PTPRT: variants seen among roughly 807,000 people sequenced by gnomAD.
The protein encoded by PTPRT is receptor-type tyrosine-protein phosphatase T.
PTPRT carries 56 observed loss-of-function variants against 176.8 expected under a neutral mutation model. The ratio of observed to expected loss-of-function variants is 0.32; its 90% CI spans 0.26 to 0.40. The LOEUF (loss-of-function observed/expected upper bound fraction) is 0.40, where lower values mean the gene tolerates loss of function less well. Ranked by LOEUF, PTPRT falls within the 10% of genes least tolerant of loss-of-function variation. The pLI is 1.00. For synonymous variants in PTPRT, 783 were observed against 739.0 expected (o/e 1.06, Z -0.96); for missense variants, 1,540 against 1,908.2 (o/e 0.81, Z 3.60).
At chr20:42,081,777 A>G in intron 30 of PTPRT, 105 bp downstream of exon 30, 1 of 1,421,134 alleles carries the variant, frequency 7.0e-7, no homozygotes, top group Non-Finnish European at 9.8e-7. Flanking sequence ...CAGGTATACA[A>G]TTAGCAGCCA....
chr20:43,007,613 C>T (rs1984917463), intron 1 of PTPRT, among the ~76,000 whole-genome samples: 1 of 152,212 alleles, frequency 6.6e-6, no homozygotes, highest in Non-Finnish European at 1.5e-5. Flanking sequence ...GCTCAGCAGA[C>T]TTTTGAGACC....
At chr20:42,258,481 C>T (rs1236297890) in intron 13 of PTPRT, among the ~76,000 whole-genome samples, 5 of 152,114 alleles carry the variant, frequency 3.3e-5, no homozygotes, top group African/African-American at 9.7e-5. Context: ...TATATAATAC[C>T]TTTATTGATA....
At chr20:42,594,788 G>C (rs2073641669) in intron 7 of PTPRT, among the ~76,000 whole-genome samples, 1 of 152,132 alleles carries the variant, frequency 6.6e-6, no homozygotes, top group Non-Finnish European at 1.5e-5. Context: ...CCAGCTTTCT[G>C]TCTCCTCCTG....
chr20:43,072,041 G>C (rs2011188087), intron 1 of PTPRT, among the ~76,000 whole-genome samples: 1 of 152,162 alleles, frequency 6.6e-6, no homozygotes, highest in African/African-American at 2.4e-5. Flanking sequence ...CTTGAAATCA[G>C]CACTTGCCTT....
At position 43,038,056 on chromosome 20, in the gene PTPRT, T is replaced by G. The variant is rs1345200506; in HGVS notation, c.88+151590A>C. ...GTGGCTACACCTGACCTGAGCCTAT[T>G]TATAGCATTATTTATCTGACTTAGC... is the stretch of plus-strand genomic sequence containing the variant. On this transcript the variant is annotated intron_variant, in intron 1 of 30. Coordinates refer to ENST00000373187, the MANE Select transcript of PTPRT (RefSeq NM_007050.6). Among the ~76,000 whole-genome samples the G allele has an allele frequency of 1.5e-3, 225 of 152,054 alleles. 1 individual carries two copies. The highest frequency in any genetic ancestry group is 5.2e-3 in the African/African-American group (213 of 41,310).
intron 7 of PTPRT, among the ~76,000 whole-genome samples, chr20:42,613,501 T>C (rs891659666): frequency 3.3e-5 from 5 of 152,216 alleles, no homozygotes; most frequent in Non-Finnish European, 7.3e-5. Flanking sequence ...ATATATAAGA[T>C]CTCTGGTTAT....
At chr20:42,130,741 CA>C (rs1187975100) in intron 18 of PTPRT, among the ~76,000 whole-genome samples, 1 of 152,130 alleles carries the variant, frequency 6.6e-6, no homozygotes, top group Non-Finnish European at 1.5e-5. Flanking sequence ...TCTTACTCAT[CA>C]GGGGGAAGTT....
At chr20:42,052,620 C>T in the PTPRT span, among the ~76,000 whole-genome samples, 4 of 152,240 alleles carry the variant, frequency 2.6e-5, no homozygotes, top group East Asian at 7.7e-4. Context: ...CGTTGGTATC[C>T]ACCTCACCAG....
Position 42,352,303 on chromosome 20 carries a change from A to G in PTPRT, c.1561-18T>C, listed in dbSNP as rs1248953273. On this transcript the variant is annotated intron_variant, in intron 9 of 30. Coordinates refer to ENST00000373187, the MANE Select transcript of PTPRT (RefSeq NM_007050.6). The stretch of plus-strand genomic sequence containing the variant: ...TAGTTGATCTGTAGGACAAGCCAGC[A>G]AACAAACAAACAAATAAATGCCTCA... 1 of 1,611,964 alleles carries G rather than the reference A, an allele frequency of 6.2e-7. No individual in the cohort carries two copies. Among genetic ancestry groups the G allele is most frequent in the Non-Finnish European group, 8.5e-7 (1 of 1,178,328 alleles).
chr20:42,659,401 C>T (rs1458346766), intron 7 of PTPRT, among the ~76,000 whole-genome samples: 1 of 152,164 alleles, frequency 6.6e-6, no homozygotes, highest in Non-Finnish European at 1.5e-5. Flanking sequence ...CAGTCTGAAC[C>T]CTAAACTCCC....
Position 42,183,635 on chromosome 20 carries a change from T to C in PTPRT, c.2491+15605A>G, listed in dbSNP as rs539012565. On this transcript the variant is annotated intron_variant, in intron 16 of 30. Coordinates refer to ENST00000373187, the MANE Select transcript of PTPRT (RefSeq NM_007050.6). ...TTTCCCACCTCTATGCCCCTGTATATGTATTCTTTTATTTTAGAATAATGT... is the reference window on the plus strand; with the variant it reads ...TTTCCCACCTCTATGCCCCTGTATACGTATTCTTTTATTTTAGAATAATGT... Among the ~76,000 whole-genome samples, 7 of 152,326 alleles carry C rather than the reference T, an allele frequency of 4.6e-5. No individual in the cohort carries two copies. The South Asian group carries it at 1.2e-3, about 27-fold the overall frequency.
chr20:43,143,462 C>T (rs1319479244), intron 1 of PTPRT, among the ~76,000 whole-genome samples: 2 of 152,172 alleles, frequency 1.3e-5, no homozygotes, highest in African/African-American at 4.8e-5. Context: ...AAGTGCCCAC[C>T]AAATGCCAAG....
chr20:42,457,530 TAAG>T (rs2145879628), intron 8 of PTPRT, among the ~76,000 whole-genome samples: 1 of 152,338 alleles, frequency 6.6e-6, no homozygotes, highest in East Asian at 1.9e-4. Flanking sequence ...TGCAACCTCA[TAAG>T]AAGTGGTGTG....
intron 7 of PTPRT, among the ~76,000 whole-genome samples, chr20:42,598,756 C>T (rs990378795): frequency 1.3e-5 from 2 of 152,088 alleles, no homozygotes; most frequent in Non-Finnish European, 2.9e-5. Context: ...TGGCCTCCAA[C>T]ATCTGAGCAC....
At chr20:42,651,325 A>C (rs1415649646) in intron 7 of PTPRT, among the ~76,000 whole-genome samples, 1 of 152,182 alleles carries the variant, frequency 6.6e-6, no homozygotes, top group African/African-American at 2.4e-5. Flanking sequence ...ATATAGGCAT[A>C]CCCTATTGAT....
chr20:43,083,329 T>TATATATATATATATATAC, intron 1 of PTPRT, among the ~76,000 whole-genome samples: 1 of 72,808 alleles, frequency 1.4e-5, no homozygotes, highest in African/African-American at 9.3e-5. Context: ...TGTATATATA[T>TATATATATATATATATAC]ATATATATAT....
At chr20:42,725,176 C>T (rs1326694026) in intron 6 of PTPRT, among the ~76,000 whole-genome samples, 1 of 151,764 alleles carries the variant, frequency 6.6e-6, no homozygotes, top group Non-Finnish European at 1.5e-5. Flanking sequence ...CACAGGCACA[C>T]ACCACCACGC....
chr20:42,879,595 A>G (rs1211972143), intron 2 of PTPRT, among the ~76,000 whole-genome samples: 2 of 152,200 alleles, frequency 1.3e-5, no homozygotes, highest in Non-Finnish European at 2.9e-5. Flanking sequence ...CAACCCAAAC[A>G]GACCTCAACC....
intron 3 of PTPRT, among the ~76,000 whole-genome samples, chr20:42,783,461 A>G (rs1469494643): frequency 6.6e-6 from 1 of 152,202 alleles, no homozygotes; most frequent in East Asian, 1.9e-4. Context: ...AAAAATGGTA[A>G]TAATCTATGA....
Sources: gnomAD v4.1 joint callset for allele counts (sites outside exome capture counted in the v4.1 genomes callset) on GRCh38, gnomAD v4.1.1 for gene constraint, MANE v1.5 for transcripts, NCBI Gene and HGNC (gene_info 2026-07-23, HGNC 2026-07-21) for gene names.